The following EYS variants were observed in gnomAD, a reference collection of about 807,000 sequenced individuals.
EYS encodes the protein EGF-like photoreceptor maintenance factor.
A neutral mutation model predicts 282.1 loss-of-function variants in EYS; 250 were observed. The observed-to-expected ratio is 0.89, with a 90% CI of 0.80 to 0.98. The LOEUF (loss-of-function observed/expected upper bound fraction) is 0.98. EYS is among the 50% of genes least tolerant of loss of function. The probability of loss-of-function intolerance (pLI) is 0.00; values close to 1 mark genes in which losing one functional copy is unlikely to be tolerated. For missense variants in EYS, 4,016 were observed against 3,709.0 expected, an observed-to-expected ratio of 1.08 and a Z score of -2.15; for synonymous variants, 1,355 against 1,282.9, an observed-to-expected ratio of 1.06 and a Z score of -1.20.
chr6:63,837,275 C>G (rs544281978), intron 36 of EYS, among the ~76,000 whole-genome samples: 47 of 152,174 alleles, frequency 3.1e-4, no homozygotes, highest in Middle Eastern at 3.4e-3. Flanking sequence ...AAATTAAAAA[C>G]AGTTTGCAAA....
intron 16 of EYS, among the ~76,000 whole-genome samples, chr6:64,911,135 A>C (rs1767979984): frequency 6.6e-6 from 1 of 152,082 alleles, no homozygotes; most frequent in Non-Finnish European, 1.5e-5. Flanking sequence ...ATATTGAATA[A>C]TTTTCAACAA....
At chr6:64,130,451 A>T (rs1249494250) in intron 31 of EYS, among the ~76,000 whole-genome samples, 2 of 152,144 alleles carry the variant, frequency 1.3e-5, no homozygotes, top group Non-Finnish European at 2.9e-5. Flanking sequence ...GGACACAGGA[A>T]AGGGAACATC....
chr6:63,857,805 G>A lies in EYS; in HGVS notation c.7228+6381C>T, dbSNP rs568048643. Reference sequence around the variant, plus strand: ...CAGGCAATTTTATGAATAATAAGGAGGATACACAAAAAATATCCTTATCTG... The same window carrying A: ...CAGGCAATTTTATGAATAATAAGGAAGATACACAAAAAATATCCTTATCTG... On this transcript the variant is annotated intron_variant, in intron 36 of 42. Transcript: ENST00000503581. 4.0e-5 allele frequency: 8 copies of A among 198,742 alleles called. No individual in the cohort carries two copies. In the East Asian group the frequency reaches 1.1e-3, roughly 27 times the overall value. The allele number at this position is 198,742 out of a possible 1,614,324, so 12.3% of individuals were successfully genotyped here.
intron 2 of EYS, among the ~76,000 whole-genome samples, chr6:65,536,356 A>C (rs2127315198): frequency 6.6e-6 from 1 of 152,054 alleles, no homozygotes; most frequent in African/African-American, 2.4e-5. Flanking sequence ...ACAGGGAATA[A>C]AGTGTCTTGA....
chr6:64,604,010 A>C (rs1766844064), intron 24 of EYS, among the ~76,000 whole-genome samples: 1 of 151,934 alleles, frequency 6.6e-6, no homozygotes, highest in Non-Finnish European at 1.5e-5. Context: ...CACAACAGGA[A>C]TTCTCATTCC....
intron 28 of EYS, among the ~76,000 whole-genome samples, chr6:64,406,805 C>T (rs1378438166): frequency 6.6e-6 from 1 of 152,148 alleles, no homozygotes; most frequent in Admixed American, 6.5e-5. Flanking sequence ...CAGGAAACAA[C>T]AGATGTTGGA....
intron 26 of EYS, among the ~76,000 whole-genome samples, chr6:64,448,863 C>G (rs578095164): frequency 6.6e-6 from 1 of 152,222 alleles, no homozygotes; most frequent in Admixed American, 6.5e-5. Context: ...TGTATGTCAC[C>G]ATCATCAAAG....
chr6:64,851,868 G>T (rs969297816), intron 19 of EYS, among the ~76,000 whole-genome samples: 2 of 151,952 alleles, frequency 1.3e-5, no homozygotes, highest in Admixed American at 6.6e-5. Context: ...TACCTGGGTG[G>T]TCTGTACAAG....
intron 14 of EYS, among the ~76,000 whole-genome samples, chr6:64,980,601 C>T (rs1770627305): frequency 6.6e-6 from 1 of 151,232 alleles, no homozygotes; most frequent in Admixed American, 6.6e-5. Context: ...ACTTTGTGTT[C>T]CTATCTCCTT....
intron 24 of EYS, among the ~76,000 whole-genome samples, chr6:64,596,020 G>A (rs546402264): frequency 8.0e-4 from 121 of 152,192 alleles, no homozygotes; most frequent in East Asian, 6.6e-3. Context: ...AACAGAAGAC[G>A]AAGAGGGAGG....
intron 8 of EYS, among the ~76,000 whole-genome samples, chr6:65,363,605 G>C (rs1362371602): frequency 6.6e-6 from 1 of 151,530 alleles, no homozygotes; most frequent in Non-Finnish European, 1.5e-5. Flanking sequence ...GGCTAAAAGT[G>C]ACTTTAATAT....
chr6:63,916,795 C>A (rs974471761), intron 35 of EYS, among the ~76,000 whole-genome samples: 1 of 152,198 alleles, frequency 6.6e-6, no homozygotes, highest in African/African-American at 2.4e-5. Flanking sequence ...TATATTTACA[C>A]CATCTTTGTG....
At chr6:64,589,393 G>A in intron 26 of EYS, among the ~76,000 whole-genome samples, 1 of 151,968 alleles carries the variant, frequency 6.6e-6, no homozygotes, top group Non-Finnish European at 1.5e-5. Context: ...TAAGTTTATT[G>A]TCAAAGGAAA....
At chr6:65,250,275 TTAAA>T (rs1324774005) in intron 12 of EYS, among the ~76,000 whole-genome samples, 3 of 151,996 alleles carry the variant, frequency 2.0e-5, no homozygotes, top group Non-Finnish European at 4.4e-5. Flanking sequence ...CCAGCAAAGT[TTAAA>T]TAAATATTCT....
At chr6:64,170,111 G>C (rs1764435218) in intron 31 of EYS, among the ~76,000 whole-genome samples, 1 of 152,094 alleles carries the variant, frequency 6.6e-6, no homozygotes, top group Non-Finnish European at 1.5e-5. Flanking sequence ...AAAGAAAACA[G>C]GTGCTGATCT....
At chr6:64,049,775 A>T (rs1770745510) in intron 33 of EYS, among the ~76,000 whole-genome samples, 4 of 152,270 alleles carry the variant, frequency 2.6e-5, no homozygotes, top group Admixed American at 1.3e-4. Flanking sequence ...AAATACTAAG[A>T]ACATTGATAT....
chr6:65,300,495 A>T (rs1768789846), intron 11 of EYS, among the ~76,000 whole-genome samples: 1 of 152,068 alleles, frequency 6.6e-6, no homozygotes, highest in Non-Finnish European at 1.5e-5. Context: ...AAAGTTTAAC[A>T]TGCATCTCTT....
intron 1 of EYS, among the ~76,000 whole-genome samples, chr6:65,704,720 T>C (rs964493287): frequency 6.6e-6 from 1 of 152,162 alleles, no homozygotes; most frequent in African/African-American, 2.4e-5. Flanking sequence ...ATTTAGTAAA[T>C]ACTATTTTGA....
chr6:65,670,876 A>G (rs1387353446), intron 1 of EYS, among the ~76,000 whole-genome samples: 1 of 152,016 alleles, frequency 6.6e-6, no homozygotes. Flanking sequence ...GCTATCTCAC[A>G]GAGGAGAAAA....
Sources: gnomAD v4.1 joint callset for allele counts (sites outside exome capture counted in the v4.1 genomes callset) on GRCh38, gnomAD v4.1.1 for gene constraint, MANE v1.5 for transcripts, NCBI Gene and HGNC (gene_info 2026-07-23, HGNC 2026-07-21) for gene names.